Variants in USP40 observed in about 807,000 individuals in gnomAD.
The protein encoded by USP40 is ubiquitin specific peptidase 40.
Under a neutral mutation model 166.2 loss-of-function variants are expected in USP40, and 143 were observed. The ratio of observed to expected loss-of-function variants is 0.86; its 90% CI spans 0.75 to 0.99. The LOEUF (loss-of-function observed/expected upper bound fraction) is 0.99. Among genes scored for constraint, USP40 ranks in the 50% least tolerant of loss-of-function variants. The pLI is 0.00. For missense variants in USP40, 1,444 were observed against 1,479.7 expected (o/e 0.98, Z 0.40); for synonymous variants, 498 against 524.0 (o/e 0.95, Z 0.68).
chr2:233,488,274 G>T lies in USP40; in HGVS notation c.3162C>A (p.Ile1054=), dbSNP rs760103167. Residue 1054 remains isoleucine, a synonymous_variant, in exon 28 of 32, where the codon ATC becomes ATA. Transcript: ENST00000678225. ...CGCCTTTCTGAAGGGGCTCTAAGCAGATCTCAATTCTCCGTCCTAGTTTAT... is the reference window on the plus strand; with the variant it reads ...CGCCTTTCTGAAGGGGCTCTAAGCATATCTCAATTCTCCGTCCTAGTTTAT... ...REYKLGRRIE[I]CLEPLQKGEN... 6.2e-7 allele frequency: 1 copy of T among 1,604,174 alleles called. No individual in the cohort carries two copies. Among genetic ancestry groups the T allele is most frequent in the South Asian group, 1.1e-5 (1 of 88,670 alleles).
rs757096053 is a variant in USP40, at chr2:233,491,270, G to C, written c.2918-9C>G. 8.6e-5 allele frequency: 137 copies of C among 1,593,274 alleles called. 1 individual carries two copies. Among genetic ancestry groups the C allele is most frequent in the Non-Finnish European group, 1.3e-5 (15 of 1,163,686 alleles). On this transcript the variant is annotated splice_polypyrimidine_tract_variant and intron_variant, in intron 25 of 31. Coordinates refer to ENST00000678225, the MANE Select transcript of USP40 (RefSeq NM_001365479.2). ...CTCGTTCCCAGAAGCACCTTCCAAA[G>C]GACAGAGCGGGATGTTTACAAGGAA...
In USP40 at chr2:233,489,439, TGG is replaced by T; in HGVS notation, c.3055_3056del (p.Pro1019SerfsTer20). The T allele has an allele frequency of 6.2e-7, 1 of 1,608,020 alleles. No individual in the cohort carries two copies. The highest frequency in any genetic ancestry group is 8.5e-7 in the Non-Finnish European group (1 of 1,177,396). ...CCACCGTCCAGGCTCTGAGGTGGGC[TGG>T]GGACGGGACACCGAACTCCAGGAAA... ...PPFLEFGVPS[P>X]AHLRAWTVER... is the part of the protein sequence containing the mutation. On this transcript the variant is annotated frameshift_variant, in exon 27 of 32. Transcript: ENST00000678225. LOFTEE classifies it high-confidence loss of function.
chr2:233,534,884 C>G (rs1406057577), intron 10 of USP40, among the ~76,000 whole-genome samples: 1 of 152,040 alleles, frequency 6.6e-6, no homozygotes, highest in African/African-American at 2.4e-5. Flanking sequence ...CCATTAATGA[C>G]AAAGAAATTT....
At chr2:233,555,076 C>A (rs1317992360) in intron 5 of USP40, among the ~76,000 whole-genome samples, 2 of 152,076 alleles carry the variant, frequency 1.3e-5, no homozygotes, top group African/African-American at 4.8e-5. Context: ...GCCTGTAGTC[C>A]CAGCTACTGG....
At position 233,477,256 on chromosome 2, in the gene USP40, G is replaced by T; in HGVS notation, c.*136C>A. ...TACATGCACTGGCCAGGCCTCAGAG[G>T]AGCCGTCCCTGTGCTCAAAGGAAGC... On this transcript the variant is annotated 3_prime_UTR_variant, in exon 32 of 32. Transcript: ENST00000678225. The T allele has an allele frequency of 1.2e-6, 1 of 809,140 alleles. No homozygotes were observed. 50.1% of individuals were successfully genotyped at this position (809,140 alleles called of 1,614,324 possible).
chr2:233,512,991 T>C (rs2066939492), intron 18 of USP40: 1 of 152,984 alleles, frequency 6.5e-6, no homozygotes, highest in African/African-American at 2.4e-5. Context: ...TTATTAATAT[T>C]ATACATGTAT....
intron 21 of USP40, among the ~76,000 whole-genome samples, chr2:233,505,239 GAAGA>G (rs914051130): frequency 6.6e-6 from 1 of 152,022 alleles, no homozygotes; most frequent in Non-Finnish European, 1.5e-5. Context: ...GATCAAAAAT[GAAGA>G]AAGATTTCTA....
chr2:233,532,319 T>TGCAGAAA (rs2068601602), intron 11 of USP40, among the ~76,000 whole-genome samples: 1 of 152,174 alleles, frequency 6.6e-6, no homozygotes, highest in Non-Finnish European at 1.5e-5. Flanking sequence ...TCTGATTGGT[T>TGCAGAAA]GCTTTCTGCA....
rs1260608389 is a variant in USP40, at chr2:233,498,617, AAAG to A, written c.2651-8_2651-6del. 36 of 1,611,778 alleles carry A rather than the reference AAAG, an allele frequency of 2.2e-5. No homozygotes were observed. The highest frequency in any genetic ancestry group is 3.1e-5 in the Non-Finnish European group (36 of 1,179,106). On this transcript the variant is annotated splice_polypyrimidine_tract_variant and splice_region_variant and intron_variant, in intron 22 of 31. Coordinates refer to ENST00000678225, the MANE Select transcript of USP40 (RefSeq NM_001365479.2). ...TTCGTAAATGCCAGGCATCTCCTAT[AAAG>A]GAGTCAAAATTGGGATAAAAAAAAT...
At chr2:233,552,891 A>G (rs2070708083) in intron 6 of USP40, among the ~76,000 whole-genome samples, 1 of 152,242 alleles carries the variant, frequency 6.6e-6, no homozygotes, top group South Asian at 2.1e-4. Context: ...ATCATAATGA[A>G]GTGACCGCAT....
chr2:233,561,271 G>A (rs756343092), intron 3 of USP40: 89 of 1,456,090 alleles, frequency 6.1e-5, no homozygotes, highest in Non-Finnish European at 7.9e-5. Context: ...TCAATCCTAA[G>A]CCAAAAGAAC....
intron 19 of USP40, chr2:233,512,333 C>T (rs749179280): frequency 3.4e-5 from 10 of 297,906 alleles, no homozygotes; most frequent in South Asian, 1.4e-4. Flanking sequence ...AGATCAAACC[C>T]GTGAGTAAAA....
chr2:233,495,599 C>T lies in USP40; in HGVS notation c.2790+1159G>A, dbSNP rs1337733085. On this transcript the variant is annotated intron_variant, in intron 24 of 31. Coordinates refer to ENST00000678225, the MANE Select transcript of USP40 (RefSeq NM_001365479.2). Reference sequence around the variant, plus strand: ...TAAACCTATTAAAATTCTTCAGTAACAAAAAATGAGGTGGGAAAAGCTAGC... The same window carrying T: ...TAAACCTATTAAAATTCTTCAGTAATAAAAAATGAGGTGGGAAAAGCTAGC... Among the ~76,000 whole-genome samples, 4 of 151,798 alleles carry T rather than the reference C, an allele frequency of 2.6e-5. No individual in the cohort carries two copies. The East Asian group carries it at 5.8e-4, about 22-fold the overall frequency.
rs1009734401 is a variant in USP40 at position 233,533,701 on chromosome 2, G to C, written c.1249C>G (p.Gln417Glu). ...TTCCTTTGGAAATCAGACTCAGCCT[G>C]GAGAGAACTATTCTTCAAGAGACGA... Reference protein sequence around the residue: ...TVRLLKNSSLQAESDFQRNDQ... With the variant: ...TVRLLKNSSLEAESDFQRNDQ... Residue 417 changes from glutamine (Q) to glutamate (E), a missense_variant, in exon 11 of 32, where the codon CAG becomes GAG. By Grantham distance (29) the Gln-to-Glu change is conservative. Coordinates refer to ENST00000678225, the MANE Select transcript of USP40 (RefSeq NM_001365479.2). The C allele has an allele frequency of 1.9e-6, 3 of 1,613,380 alleles. No individual in the cohort carries two copies. The highest frequency in any genetic ancestry group is 1.7e-5 in the Admixed American group (1 of 59,940).
intron 24 of USP40, among the ~76,000 whole-genome samples, chr2:233,494,913 G>T (rs2065578966): frequency 7.6e-5 from 3 of 39,634 alleles, no homozygotes; most frequent in African/African-American, 3.4e-4. Context: ...CAAGCAAAAT[G>T]GCATATATAT....
intron 28 of USP40, among the ~76,000 whole-genome samples, chr2:233,487,112 G>A (rs2064998090): frequency 6.6e-6 from 1 of 152,106 alleles, no homozygotes; most frequent in South Asian, 2.1e-4. Context: ...TGTGACAAAG[G>A]GTCAAAATCA....
At chr2:233,500,830 T>C (rs2066029998) in intron 21 of USP40, among the ~76,000 whole-genome samples, 1 of 152,224 alleles carries the variant, frequency 6.6e-6, no homozygotes, top group Admixed American at 6.5e-5. Context: ...TTTCTATATG[T>C]ATGTATATAG....
At chr2:233,556,163 C>G (rs1044823532) in intron 5 of USP40, among the ~76,000 whole-genome samples, 1 of 149,958 alleles carries the variant, frequency 6.7e-6, no homozygotes, top group African/African-American at 2.4e-5. Context: ...TACAAATACA[C>G]AAACTTCCTT....
rs1424182829 is a variant in USP40 at position 233,475,546 on chromosome 2, TA to T, written c.*1845del. 2 of 152,328 alleles carry T rather than the reference TA, an allele frequency of 1.3e-5. No individual in the cohort carries two copies. Among genetic ancestry groups the T allele is most frequent in the African/African-American group, 2.4e-5 (1 of 41,454 alleles). The allele number at this position is 152,328 out of a possible 1,614,324, so 9.4% of individuals were successfully genotyped here. On this transcript the variant is annotated 3_prime_UTR_variant, in exon 32 of 32. Transcript: ENST00000678225. ...AGGGCTACAACTTTAAAAAATGGTTTATTTTTTTCTTTAACAAAATCGTACA... is the reference window on the plus strand; with the variant it reads ...AGGGCTACAACTTTAAAAAATGGTTTTTTTTTTCTTTAACAAAATCGTACA...
Sources: gnomAD v4.1 joint callset for allele counts (sites outside exome capture counted in the v4.1 genomes callset) on GRCh38, gnomAD v4.1.1 for gene constraint, MANE v1.5 for transcripts, NCBI Gene and HGNC (gene_info 2026-07-23, HGNC 2026-07-21) for gene names.